PSMA1: variants seen among roughly 807,000 people sequenced by gnomAD.
PSMA1 encodes the protein proteasome 20S subunit alpha 1.
Under a neutral mutation model 38.4 loss-of-function variants are expected in PSMA1, and 3 were observed. The observed-to-expected ratio is 0.08, with a 90% CI of 0.04 to 0.20. The LOEUF is 0.20. Among genes scored for constraint, PSMA1 ranks in the 10% least tolerant of loss-of-function variants. PSMA1 has a pLI of 1.00. For missense variants in PSMA1, 227 were observed against 325.3 expected, an observed-to-expected ratio of 0.70 and a Z score of 2.32; for synonymous variants, 101 against 107.1, an observed-to-expected ratio of 0.94 and a Z score of 0.35.
chr11:14,513,444 A>C (rs1168277132), intron 7 of PSMA1, 126 bp downstream of exon 7: 7 of 1,090,630 alleles, frequency 6.4e-6, no homozygotes, highest in Non-Finnish European at 7.1e-6. Context: ...TCATGGGCAT[A>C]ATTTTTTTTA....
At chr11:14,612,537 A>G (rs976073044) in intron 1 of PSMA1, among the ~76,000 whole-genome samples, 21 of 152,050 alleles carry the variant, frequency 1.4e-4, no homozygotes, top group Non-Finnish European at 4.4e-5. Flanking sequence ...AGAAAATTAG[A>G]AAAAAAATGT....
chr11:14,511,813 TAGAA>T lies in PSMA1; in HGVS notation c.545-866_545-863del, dbSNP rs1398730365. Among the ~76,000 whole-genome samples the T allele has an allele frequency of 2.0e-5, 3 of 152,208 alleles. No homozygotes were observed. In the East Asian group the frequency reaches 5.8e-4, roughly 29 times the overall value. ...TACCAGAGGTTCCAGCCACGGCAGT[TAGAA>T]AGGAGAAAGTAAAACTATCTCTATT... On this transcript the variant is annotated intron_variant, in intron 7 of 9. Coordinates refer to ENST00000396394, the MANE Select transcript of PSMA1 (RefSeq NM_002786.4).
chr11:14,534,856 T>C lies in PSMA1; in HGVS notation c.22-15815A>G, dbSNP rs1851685490. ...CAGCACTTTGGGAGGCAGGCAGATC[T>C]CCTGAGATCAGGAATTCAAGACCAG... On this transcript the variant is annotated intron_variant, in intron 2 of 10. Coordinates refer to the PSMA1 transcript ENST00000418988. This position sits in a 1 kb window ranked among gnomAD's most constrained non-coding sequence, Gnocchi z 4.5. Among the ~76,000 whole-genome samples, 1 of 152,178 alleles carries C rather than the reference T, an allele frequency of 6.6e-6. No homozygotes were observed. The highest frequency in any genetic ancestry group is 2.4e-5 in the African/African-American group (1 of 41,454).
At chr11:14,601,187 C>T (rs192946599) in intron 2 of PSMA1, among the ~76,000 whole-genome samples, 1 of 152,168 alleles carries the variant, frequency 6.6e-6, no homozygotes, top group Non-Finnish European at 1.5e-5. Context: ...TCTTGCAACA[C>T]AAATGGGTCA....
chr11:14,572,381 C>T (rs1852154805), intron 2 of PSMA1, among the ~76,000 whole-genome samples: 2 of 152,196 alleles, frequency 1.3e-5, no homozygotes, highest in Admixed American at 1.3e-4. Flanking sequence ...TGCTCAACTA[C>T]ATGGAAACTG....
chr11:14,580,847 T>TG, intron 2 of PSMA1, among the ~76,000 whole-genome samples: 1 of 152,224 alleles, frequency 6.6e-6, no homozygotes, highest in East Asian at 1.9e-4. Flanking sequence ...TAATGGGGGT[T>TG]GTTTAAGAAG....
chr11:14,604,056 T>C (rs1014838649), intron 2 of PSMA1, among the ~76,000 whole-genome samples: 2 of 152,344 alleles, frequency 1.3e-5, no homozygotes, highest in Middle Eastern at 3.4e-3. Flanking sequence ...AATACATTTC[T>C]TCTAACTACT....
intron 2 of PSMA1, among the ~76,000 whole-genome samples, chr11:14,598,570 C>G (rs1852533801): frequency 7.3e-6 from 1 of 136,794 alleles, no homozygotes; most frequent in Non-Finnish European, 1.5e-5. Context: ...GATTGCAACC[C>G]CTGCTTTTTT....
chr11:14,599,115 T>C (rs1852544551), intron 2 of PSMA1, among the ~76,000 whole-genome samples: 1 of 152,234 alleles, frequency 6.6e-6, no homozygotes, highest in Non-Finnish European at 1.5e-5. Context: ...CCGCTGTTAG[T>C]CTGATGGGCT....
chr11:14,527,999 T>C (rs1256152460), intron 2 of PSMA1, among the ~76,000 whole-genome samples: 1 of 152,032 alleles, frequency 6.6e-6, no homozygotes, highest in African/African-American at 2.4e-5. Context: ...ACTATCAATC[T>C]CAGTCACTCC....
chr11:14,635,637 A>G (rs1853105147), intron 1 of PSMA1, among the ~76,000 whole-genome samples: 1 of 152,190 alleles, frequency 6.6e-6, no homozygotes, highest in Non-Finnish European at 1.5e-5. Context: ...AAATATAGTG[A>G]TTTTAAACAA....
intron 2 of PSMA1, among the ~76,000 whole-genome samples, chr11:14,566,577 A>T (rs2134175781): frequency 6.6e-6 from 1 of 152,298 alleles, no homozygotes; most frequent in Non-Finnish European, 1.5e-5. Context: ...TAGGCTGGAC[A>T]TTGGCCTGTT....
intron 2 of PSMA1, among the ~76,000 whole-genome samples, chr11:14,594,851 C>G (rs1032345110): frequency 6.6e-6 from 1 of 152,090 alleles, no homozygotes; most frequent in African/African-American, 2.4e-5. Context: ...TGTTGGTTTG[C>G]TGCACTCATC....
chr11:14,588,706 TA>T (rs1852378253), intron 2 of PSMA1, among the ~76,000 whole-genome samples: 1 of 152,208 alleles, frequency 6.6e-6, no homozygotes, highest in African/African-American at 2.4e-5. Context: ...TATAGCCAAT[TA>T]TTTTTTAATG....
upstream of PSMA1, chr11:14,520,599 T>C (rs990885589): frequency 1.5e-5 from 12 of 785,798 alleles, no homozygotes; most frequent in Non-Finnish European, 2.1e-5. Context: ...ACGTAGCCCT[T>C]CTAGGTTCCT....
chr11:14,537,754 G>T (rs1044057739), intron 2 of PSMA1, among the ~76,000 whole-genome samples: 1 of 148,892 alleles, frequency 6.7e-6, no homozygotes, highest in Non-Finnish European at 1.5e-5. Flanking sequence ...TGTCACCCAG[G>T]CTGGAGTGCA....
At chr11:14,588,002 T>G (rs1462915433) in intron 2 of PSMA1, among the ~76,000 whole-genome samples, 2 of 152,218 alleles carry the variant, frequency 1.3e-5, no homozygotes, top group African/African-American at 2.4e-5. Context: ...AGGTAGTACT[T>G]CTAGAAGATA....
chr11:14,604,413 A>G (rs1203882003), intron 2 of PSMA1, among the ~76,000 whole-genome samples: 1 of 152,060 alleles, frequency 6.6e-6, no homozygotes, highest in Non-Finnish European at 1.5e-5. Context: ...TGACATCTCT[A>G]TATTCAGGCC....
At chr11:14,610,828 T>TTTTTTCTC in intron 2 of PSMA1, 1 of 822,196 alleles carries the variant, frequency 1.2e-6, no homozygotes, top group Non-Finnish European at 1.9e-6. Flanking sequence ...ACATTTTTCT[T>TTTTTTCTC]TTTTTCTCTT....
Sources: allele counts gnomAD v4.1 joint callset (sites outside exome capture counted in the v4.1 genomes callset), GRCh38; gene constraint gnomAD v4.1.1; non-coding constraint Gnocchi (gnomAD v3.1); transcripts MANE v1.5; gene names NCBI Gene and HGNC (gene_info 2026-07-23, HGNC 2026-07-21).